WDFY4: variants seen among roughly 807,000 people sequenced by gnomAD.
WDFY4 encodes the protein WDFY family member 4.
WDFY4 carries 169 observed loss-of-function variants against 351.9 expected under a neutral mutation model. The observed-to-expected ratio is 0.48, with a 90% CI of 0.42 to 0.55. WDFY4 has a LOEUF of 0.55. Among genes scored for constraint, WDFY4 ranks in the 20% least tolerant of loss-of-function variants. The probability of loss-of-function intolerance (pLI) is 0.00; values close to 1 mark genes in which losing one functional copy is unlikely to be tolerated. For synonymous variants in WDFY4, 1,622 were observed against 1,574.6 expected (o/e 1.03, Z -0.71); for missense variants, 3,803 against 3,935.6 (o/e 0.97, Z 0.90).
At chr10:48,776,722 A>T (rs1368110586) in intron 15 of WDFY4, 28 bp from the exon 16 acceptor site, 5 of 1,479,270 alleles carry the variant, frequency 3.4e-6, no homozygotes, top group African/African-American at 1.4e-5. Flanking sequence ...GAGCAGAGAC[A>T]CATCTCTTCT....
chr10:48,842,702 C>T (rs1279609998), intron 39 of WDFY4, among the ~76,000 whole-genome samples: 1 of 152,154 alleles, frequency 6.6e-6, no homozygotes, highest in African/African-American at 2.4e-5. Context: ...GTTCTTAAAC[C>T]TTATCTTAAA....
rs866986294 is a variant in WDFY4 at position 48,729,647 on chromosome 10, T to G, written c.1129+58T>G. ...AGTCAGTGCTGAGCCCTGAGAAGGC[T>G]ACAGAGGGTCTTCTCCTGATTCTTT... On this transcript the variant is annotated intron_variant, in intron 8 of 61. Coordinates refer to ENST00000325239, the MANE Select transcript of WDFY4 (RefSeq NM_001394531.1). The G allele has an allele frequency of 2.0e-6, 3 of 1,529,772 alleles. No homozygotes were observed. In the Middle Eastern group the frequency reaches 5.1e-4, roughly 261 times the overall value. 94.8% of individuals were successfully genotyped at this position (1,529,772 alleles called of 1,614,324 possible).
intron 31 of WDFY4, among the ~76,000 whole-genome samples, chr10:48,816,629 CTG>C (rs2067628781): frequency 6.6e-6 from 1 of 152,156 alleles, no homozygotes; most frequent in African/African-American, 2.4e-5. Flanking sequence ...AATCTGTTAC[CTG>C]TTTAATCAAT....
chr10:48,936,220 A>G (rs1840350198), intron 47 of WDFY4, among the ~76,000 whole-genome samples: 1 of 152,124 alleles, frequency 6.6e-6, no homozygotes, highest in Non-Finnish European at 1.5e-5. Context: ...CAAATCATTA[A>G]ATGAGAGCTA....
intron 12 of WDFY4, among the ~76,000 whole-genome samples, chr10:48,744,309 C>T (rs1364416706): frequency 6.6e-6 from 1 of 152,188 alleles, no homozygotes; most frequent in Non-Finnish European, 1.5e-5. Flanking sequence ...AAAGACACTG[C>T]ATTTTTATCC....
chr10:48,895,886 G>C (rs114932040), intron 44 of WDFY4, among the ~76,000 whole-genome samples: 79 of 152,268 alleles, frequency 5.2e-4, no homozygotes, highest in Middle Eastern at 3.4e-3. Flanking sequence ...GCATGCCTCT[G>C]TTCCTCCAGG....
intron 45 of WDFY4, among the ~76,000 whole-genome samples, chr10:48,898,734 CAGTT>C (rs1250625312): frequency 2.6e-5 from 4 of 152,314 alleles, no homozygotes; most frequent in South Asian, 4.1e-4. Context: ...GCCTGCAACA[CAGTT>C]AGTTCTCATT....
chr10:48,963,021 C>T (rs1352335055), intron 53 of WDFY4, among the ~76,000 whole-genome samples: 6 of 152,200 alleles, frequency 3.9e-5, no homozygotes, highest in Non-Finnish European at 1.5e-5. Flanking sequence ...TCCAGAATTC[C>T]CCAGTAACTG....
At chr10:48,958,235 G>T (rs1841698088) in intron 52 of WDFY4, among the ~76,000 whole-genome samples, 2 of 152,236 alleles carry the variant, frequency 1.3e-5, no homozygotes, top group African/African-American at 4.8e-5. Context: ...AGTGAGCCAG[G>T]CCCCGTGAGT....
intron 1 of WDFY4, among the ~76,000 whole-genome samples, chr10:48,705,016 G>T (rs2063588138): frequency 6.6e-6 from 1 of 152,198 alleles, no homozygotes; most frequent in South Asian, 2.1e-4. Context: ...GGCAGGGATG[G>T]GTCTTGCCAC....
intron 49 of WDFY4, among the ~76,000 whole-genome samples, chr10:48,944,564 G>A (rs1840945911): frequency 6.6e-6 from 1 of 152,236 alleles, no homozygotes; most frequent in Admixed American, 6.5e-5. Context: ...GCGTAGGGCT[G>A]CTTGGATGGC....
At chr10:48,816,994 A>G (rs1349662869) in intron 31 of WDFY4, among the ~76,000 whole-genome samples, 1 of 152,250 alleles carries the variant, frequency 6.6e-6, no homozygotes, top group Non-Finnish European at 1.5e-5. Flanking sequence ...GGCTAGGGGT[A>G]AACATAGAAC....
At position 48,976,801 on chromosome 10, in the gene WDFY4, C is replaced by G; in HGVS notation, c.9113C>G (p.Thr3038Ser). The change falls in exon 59 of 62, where the codon ACC becomes AGC. Residue 3038 changes from threonine (T) to serine (S), a missense_variant. By Grantham distance (58) the Thr-to-Ser change is moderately conservative (BLOSUM62 1). Coordinates refer to ENST00000325239, the MANE Select transcript of WDFY4 (RefSeq NM_001394531.1). ...ATGCCAGCTCTCACTGCACAGGGCA[C>G]CATTGTCTCCTGTGCGGGAGCACAC... ...SAITISDVSG[T>S]IVSCAGAHLS... 6.9e-7 allele frequency: 1 copy of G among 1,452,908 alleles called. No individual in the cohort carries two copies. The highest frequency in any genetic ancestry group is 9.1e-7 in the Non-Finnish European group (1 of 1,093,482). 90.0% of individuals were successfully genotyped at this position (1,452,908 alleles called of 1,614,324 possible).
intron 47 of WDFY4, among the ~76,000 whole-genome samples, chr10:48,915,677 A>G (rs555290756): frequency 6.4e-4 from 97 of 152,244 alleles, no homozygotes; most frequent in African/African-American, 2.2e-3. Context: ...TCTCACACCT[A>G]CTGAAAATCC....
At chr10:48,822,229 T>C (rs1329195558) in intron 34 of WDFY4, 151 bp from the exon 35 acceptor site, 7 of 725,712 alleles carry the variant, frequency 9.6e-6, no homozygotes, top group Non-Finnish European at 1.4e-5. Flanking sequence ...GTGTGTGTGT[T>C]GGGCACCTCG....
Position 48,925,511 on chromosome 10 carries a change from A to G in WDFY4, c.7587-16295A>G, listed in dbSNP as rs149053528. Among the ~76,000 whole-genome samples, 323 of 152,314 alleles carry G rather than the reference A, an allele frequency of 2.1e-3. 2 individuals carry two copies. Among genetic ancestry groups the G allele is most frequent in the African/African-American group, 7.5e-3 (311 of 41,560 alleles). Reference sequence around the variant, plus strand: ...GCTGTGCTACTTGCTCTGCAGTGTTACCTAGATTTAGGAATATAGATTCCT... The same window carrying G: ...GCTGTGCTACTTGCTCTGCAGTGTTGCCTAGATTTAGGAATATAGATTCCT... On this transcript the variant is annotated intron_variant, in intron 47 of 61. Transcript: ENST00000325239.
intron 20 of WDFY4, among the ~76,000 whole-genome samples, chr10:48,788,215 G>C (rs2066559785): frequency 6.6e-6 from 1 of 151,642 alleles, no homozygotes; most frequent in African/African-American, 2.4e-5. Flanking sequence ...TTTTAGTAGA[G>C]ACGAGATTTC....
intron 54 of WDFY4, among the ~76,000 whole-genome samples, chr10:48,966,189 G>A (rs1006429592): frequency 6.6e-6 from 1 of 152,122 alleles, no homozygotes; most frequent in Non-Finnish European, 1.5e-5. Context: ...AACGAAGAGG[G>A]TCACTCCAGC....
At chr10:48,895,202 C>T (rs1276478466) in intron 44 of WDFY4, among the ~76,000 whole-genome samples, 1 of 152,216 alleles carries the variant, frequency 6.6e-6, no homozygotes, top group African/African-American at 2.4e-5. Context: ...TAGTACTGCA[C>T]ATGCTGGACT....
Sources: allele counts gnomAD v4.1 joint callset (sites outside exome capture counted in the v4.1 genomes callset), GRCh38; gene constraint gnomAD v4.1.1; transcripts MANE v1.5; gene names NCBI Gene and HGNC (gene_info 2026-07-23, HGNC 2026-07-21).